Variants in AJAP1 observed in about 807,000 individuals in gnomAD.
AJAP1 encodes adherens junctions associated protein 1, also known as adherens junction-associated protein 1.
AJAP1 carries 5 observed loss-of-function variants against 35.0 expected under a neutral mutation model. That is an observed-to-expected ratio of 0.14 (90% confidence interval 0.07 to 0.30). The LOEUF (loss-of-function observed/expected upper bound fraction) is 0.30. Among genes scored for constraint, AJAP1 ranks in the 10% least tolerant of loss-of-function variants. The pLI is 1.00. For synonymous variants in AJAP1, 284 were observed against 249.3 expected (o/e 1.14, Z -1.31); for missense variants, 586 against 571.0 (o/e 1.03, Z -0.27).
At chr1:4,695,382 T>A (rs1462287416) in intron 1 of AJAP1, among the ~76,000 whole-genome samples, 1 of 152,146 alleles carries the variant, frequency 6.6e-6, no homozygotes, top group African/African-American at 2.4e-5. Flanking sequence ...CACTGTGAGC[T>A]GCCCATGAGG....
chr1:4,776,960 G>A (rs1380916714), intron 5 of AJAP1, among the ~76,000 whole-genome samples: 1 of 152,224 alleles, frequency 6.6e-6, no homozygotes, highest in African/African-American at 2.4e-5. Flanking sequence ...GCCCACTCCT[G>A]GTGGCCTCCT....
At chr1:4,758,771 C>T (rs879619134) in intron 2 of AJAP1, among the ~76,000 whole-genome samples, 15 of 152,142 alleles carry the variant, frequency 9.9e-5, no homozygotes, top group East Asian at 3.9e-4. Flanking sequence ...GTGGTGCATA[C>T]GTCAGGCTGC....
chr1:4,689,209 A>G (rs1174084890), intron 1 of AJAP1, among the ~76,000 whole-genome samples: 2 of 152,152 alleles, frequency 1.3e-5, no homozygotes, highest in African/African-American at 2.4e-5. Flanking sequence ...GCCCCAAAAG[A>G]GGTTTCAGAG....
At chr1:4,752,334 CAA>C (rs1210752607) in intron 2 of AJAP1, among the ~76,000 whole-genome samples, 1 of 151,842 alleles carries the variant, frequency 6.6e-6, no homozygotes, top group African/African-American at 2.4e-5. Context: ...GTCCAGTAGA[CAA>C]GAGAATGCAG....
At chr1:4,699,516 C>G (rs956898341) in intron 1 of AJAP1, among the ~76,000 whole-genome samples, 2 of 152,206 alleles carry the variant, frequency 1.3e-5, no homozygotes, top group African/African-American at 4.8e-5. Context: ...TTATTCCTCT[C>G]AGTTCCCTTT....
chr1:4,656,556 G>C lies in AJAP1; in HGVS notation c.29+1102G>C, dbSNP rs1024532148. 1.6e-4 allele frequency among the ~76,000 whole-genome samples: 24 copies of C among 152,200 alleles called. No individual in the cohort carries two copies. The highest frequency in any genetic ancestry group is 4.8e-4 in the African/African-American group (20 of 41,454). Reference sequence around the variant, plus strand: ...GCCCCCACTCAGGGATGAAGCTGCGGGGGGAGTGAGGCGAAGGGAGGGAGG... The same window carrying C: ...GCCCCCACTCAGGGATGAAGCTGCGCGGGGAGTGAGGCGAAGGGAGGGAGG... On this transcript the variant is annotated intron_variant, in intron 1 of 5. Transcript: ENST00000378191. This position sits in a 1 kb window ranked among gnomAD's most constrained non-coding sequence, Gnocchi z 5.7.
chr1:4,770,863 C>T (rs751869302), intron 3 of AJAP1, among the ~76,000 whole-genome samples: 21 of 152,122 alleles, frequency 1.4e-4, no homozygotes, highest in Admixed American at 9.8e-4. Flanking sequence ...ACTCGGCTAG[C>T]GAGGCCTCAA....
At chr1:4,752,273 AG>A (rs1330075256) in intron 2 of AJAP1, among the ~76,000 whole-genome samples, 9 of 151,904 alleles carry the variant, frequency 5.9e-5, no homozygotes, top group African/African-American at 2.2e-4. Flanking sequence ...GAACAAGGAA[AG>A]AAACAGTTGT....
At chr1:4,710,791 G>C (rs1640213106) in intron 1 of AJAP1, among the ~76,000 whole-genome samples, 1 of 152,242 alleles carries the variant, frequency 6.6e-6, no homozygotes, top group Admixed American at 6.5e-5. Context: ...GGGAGCGTGG[G>C]CCTGGCTCCT....
chr1:4,724,202 C>A (rs997752555), intron 2 of AJAP1, among the ~76,000 whole-genome samples: 2 of 152,150 alleles, frequency 1.3e-5, no homozygotes, highest in Non-Finnish European at 1.5e-5. Flanking sequence ...GAATGCCAGG[C>A]GGAACCATGG....
At position 4,788,713 on chromosome 1, in the gene AJAP1, A is replaced by T. The variant is rs954563604; in HGVS notation, c.*6228A>T. The stretch of plus-strand genomic sequence containing the variant: ...ACTTTGGTTGCAGGGAGTTAAATAC[A>T]TAGGCCACAGCAGACTAAGGGAGCG... On this transcript the variant is annotated 3_prime_UTR_variant, in exon 6 of 6. Coordinates refer to ENST00000378191, the MANE Select transcript of AJAP1 (RefSeq NM_018836.4). The T allele has an allele frequency of 6.6e-6, 1 of 152,258 alleles. No individual in the cohort carries two copies. Among genetic ancestry groups the T allele is most frequent in the Non-Finnish European group, 1.5e-5 (1 of 68,082 alleles). 9.4% of individuals were successfully genotyped at this position (152,258 alleles called of 1,614,324 possible).
intron 2 of AJAP1, among the ~76,000 whole-genome samples, chr1:4,762,746 G>T (rs1641598195): frequency 6.6e-6 from 1 of 152,148 alleles, no homozygotes; most frequent in African/African-American, 2.4e-5. Flanking sequence ...TGATTGTGGG[G>T]ACCCCAAATG....
Position 4,791,316 on chromosome 1 carries a change from AGTCT to A in AJAP1, c.*8834_*8837del, listed in dbSNP as rs1232574386. On this transcript the variant is annotated 3_prime_UTR_variant, in exon 6 of 6. Coordinates refer to ENST00000378191, the MANE Select transcript of AJAP1 (RefSeq NM_018836.4). ...GGCCATGCATTGATAACATTTTTAGAGTCTGTTACATTATTTTCTCAAAAGGAAC... is the reference window on the plus strand; with the variant it reads ...GGCCATGCATTGATAACATTTTTAGAGTTACATTATTTTCTCAAAAGGAAC... 1 of 152,226 alleles carries A rather than the reference AGTCT, an allele frequency of 6.6e-6. No individual in the cohort carries two copies. Among genetic ancestry groups the A allele is most frequent in the Non-Finnish European group, 1.5e-5 (1 of 68,048 alleles). 9.4% of individuals were successfully genotyped at this position (152,226 alleles called of 1,614,324 possible). A position where few individuals can be genotyped will look rare whatever the true frequency, so the allele number is the denominator to read the frequency against.
intron 1 of AJAP1, among the ~76,000 whole-genome samples, chr1:4,710,876 G>A (rs776372508): frequency 6.6e-6 from 1 of 152,166 alleles, no homozygotes; most frequent in Non-Finnish European, 1.5e-5. Flanking sequence ...GTCCAGAGGC[G>A]ACCCCAGACC....
At chr1:4,729,130 T>G (rs1640742078) in intron 2 of AJAP1, among the ~76,000 whole-genome samples, 1 of 152,206 alleles carries the variant, frequency 6.6e-6, no homozygotes, top group Non-Finnish European at 1.5e-5. Flanking sequence ...GATCATTAAT[T>G]AATAAACTCA....
intron 1 of AJAP1, among the ~76,000 whole-genome samples, chr1:4,710,302 TACAC>T (rs746886213): frequency 1.1e-4 from 17 of 151,862 alleles, no homozygotes; most frequent in East Asian, 5.8e-4. Context: ...ACGCACCAAA[TACAC>T]ACAGACACCC....
chr1:4,670,286 C>A (rs1269928097), intron 1 of AJAP1, among the ~76,000 whole-genome samples: 1 of 152,168 alleles, frequency 6.6e-6, no homozygotes, highest in Non-Finnish European at 1.5e-5. Context: ...AGAAGCAGCA[C>A]TTTTTATCAG....
chr1:4,740,627 A>AC (rs1384794173), intron 2 of AJAP1, among the ~76,000 whole-genome samples: 2 of 151,762 alleles, frequency 1.3e-5, no homozygotes, highest in East Asian at 3.9e-4. Context: ...CTACTAAAAA[A>AC]TACAAAAAAT....
At chr1:4,729,633 T>A (rs538179549) in intron 2 of AJAP1, among the ~76,000 whole-genome samples, 1 of 72,748 alleles carries the variant, frequency 1.4e-5, no homozygotes, top group African/African-American at 5.1e-5. Flanking sequence ...TGCGTGTCTG[T>A]GTCCAAAGTT....
Sources: gnomAD v4.1 joint callset for allele counts (sites outside exome capture counted in the v4.1 genomes callset) on GRCh38, gnomAD v4.1.1 for gene constraint, Gnocchi (gnomAD v3.1) non-coding constraint, MANE v1.5 for transcripts, NCBI Gene and HGNC (gene_info 2026-07-23, HGNC 2026-07-21) for gene names.